Variants in NDEL1 observed in about 807,000 individuals in gnomAD.
The protein encoded by NDEL1 is nudE neurodevelopment protein 1 like 1, also known as nuclear distribution protein nudE-like 1.
NDEL1 carries 9 observed loss-of-function variants against 45.7 expected under a neutral mutation model. The ratio of observed to expected loss-of-function variants is 0.20; its 90% CI spans 0.12 to 0.34. The LOEUF is 0.34. Ranked by LOEUF, NDEL1 falls within the 10% of genes least tolerant of loss-of-function variation. The pLI, the probability that NDEL1 is intolerant of heterozygous loss-of-function variation, is 1.00. For missense variants in NDEL1, 306 were observed against 406.2 expected (o/e 0.75, Z 2.12); for synonymous variants, 133 against 158.6 (o/e 0.84, Z 1.21).
chr17:8,470,200 A>AAGAGTGCCTCTGGGT (rs1176768882), downstream of NDEL1, among the ~76,000 whole-genome samples: 3 of 152,050 alleles, frequency 2.0e-5, no homozygotes. The surrounding 1 kb of genome is among the most constrained non-coding windows in gnomAD (Gnocchi z 4.2). Flanking sequence ...TGTCTAGCTG[A>AAGAGTGCCTCTGGGT]AGAGTGCCTC....
In NDEL1 at chr17:8,460,236, T is replaced by G. The variant is rs2151736617; in HGVS notation, c.944+76T>G. The G allele has an allele frequency of 2.7e-6, 4 of 1,480,130 alleles. No individual in the cohort carries two copies. In the South Asian group the frequency reaches 5.2e-5, roughly 19 times the overall value. The allele number at this position is 1,480,130 out of a possible 1,614,324, so 91.7% of individuals were successfully genotyped here. On this transcript the variant is annotated intron_variant, in intron 8 of 8. Transcript: ENST00000334527. ...GTTAGTAAGTGAGCATAATGAAGCC[T>G]TGAAAAGGTAAACTCAGCTTGACAA...
Position 8,427,355 on chromosome 17 carries a change from C to G in NDEL1, c.-13+14086C>G, listed in dbSNP as rs565571538. 2.0e-4 allele frequency among the ~76,000 whole-genome samples: 31 copies of G among 152,204 alleles called. No individual in the cohort carries two copies. In the South Asian group the frequency reaches 6.4e-3, roughly 32 times the overall value. On this transcript the variant is annotated intron_variant, in intron 1 of 4. Coordinates refer to the NDEL1 transcript ENST00000582812. ...GTTTGTGGCTGGCTGGGTCAGGGAC[C>G]GAACCATAGTGAGCATTTTTGAATC... is the stretch of plus-strand genomic sequence containing the variant.
chr17:8,447,960 A>G (rs1910190562), intron 4 of NDEL1, among the ~76,000 whole-genome samples: 1 of 105,778 alleles, frequency 9.5e-6, no homozygotes, highest in African/African-American at 3.7e-5. Flanking sequence ...GGCAGCAGCC[A>G]GATTGGTTGC....
rs1461002073 is a variant in NDEL1, at chr17:8,423,069, A to C, written c.-13+9800A>C. ...AAGCAGACATCTAGATTTGTGTTGTATCTCATAGGGATGGATGAAAACTAG... is the reference window on the plus strand; with the variant it reads ...AAGCAGACATCTAGATTTGTGTTGTCTCTCATAGGGATGGATGAAAACTAG... On this transcript the variant is annotated intron_variant, in intron 1 of 4. Coordinates refer to the NDEL1 transcript ENST00000582812. Among the ~76,000 whole-genome samples the C allele has an allele frequency of 6.6e-5, 10 of 152,194 alleles. 1 individual carries two copies. The East Asian group carries it at 1.9e-3, about 29-fold the overall frequency.
At chr17:8,471,009 T>C (rs900063421), downstream of NDEL1, among the ~76,000 whole-genome samples, 3 of 152,200 alleles carry the variant, frequency 2.0e-5, no homozygotes, top group African/African-American at 7.2e-5. Flanking sequence ...GAGCACCCGG[T>C]AGCCAGCTCT....
At chr17:8,452,740 C>CTTTTTTTTTTT in intron 6 of NDEL1, among the ~76,000 whole-genome samples, 1 of 95,592 alleles carries the variant, frequency 1.0e-5, no homozygotes, top group Non-Finnish European at 2.0e-5. Flanking sequence ...TTTTTCTTCT[C>CTTTTTTTTTTT]TTTTTTTTTT....
At chr17:8,462,159 GA>G (rs1431725930) in intron 8 of NDEL1, among the ~76,000 whole-genome samples, 3 of 151,816 alleles carry the variant, frequency 2.0e-5, no homozygotes, top group Non-Finnish European at 4.4e-5. Flanking sequence ...TTTACTTCCT[GA>G]GCTGAACCCG....
intron 7 of NDEL1, among the ~76,000 whole-genome samples, 166 bp downstream of exon 7, chr17:8,455,053 A>G (rs1277140550): frequency 6.6e-6 from 1 of 152,254 alleles, no homozygotes; most frequent in Non-Finnish European, 1.5e-5. Context: ...ATGACACTTC[A>G]TGATGCCCCT....
In NDEL1 at chr17:8,454,400, T is replaced by C. The variant is rs1019909918; in HGVS notation, c.701-396T>C. Among the ~76,000 whole-genome samples the C allele has an allele frequency of 1.3e-4, 20 of 151,536 alleles. No homozygotes were observed. The East Asian group carries it at 1.5e-3, about 12-fold the overall frequency. On this transcript the variant is annotated intron_variant, in intron 6 of 8. Transcript: ENST00000334527. ...ATTGTCAAAAAAAAAAAAGATAATA[T>C]CTAATATTATCAAGGGCACCACCGC...
At chr17:8,415,262 T>G (rs1000188409) in intron 1 of NDEL1, among the ~76,000 whole-genome samples, 1 of 151,026 alleles carries the variant, frequency 6.6e-6, no homozygotes, top group Non-Finnish European at 1.5e-5. Context: ...TACTACAGTC[T>G]TGAATTCCCG....
In NDEL1 at chr17:8,435,975, G is replaced by T. The variant is rs1335163012; in HGVS notation, c.-83G>T. 2.2e-6 allele frequency: 1 copy of T among 447,682 alleles called. No homozygotes were observed. Among genetic ancestry groups the T allele is most frequent in the East Asian group, 7.6e-5 (1 of 13,190 alleles). 27.7% of individuals were successfully genotyped at this position (447,682 alleles called of 1,614,324 possible). A position where few individuals can be genotyped will look rare whatever the true frequency, so the allele number is the denominator to read the frequency against. ...GGGAGCTGAGCCGAGCGGCTGGGCG[G>T]GCCTGGCCGGGCCGGCGGAGGGGAG... On this transcript the variant is annotated 5_prime_UTR_variant, in exon 1 of 9. Coordinates refer to ENST00000334527, the MANE Select transcript of NDEL1 (RefSeq NM_030808.5).
At chr17:8,430,908 A>C (rs1342737148), upstream of NDEL1, among the ~76,000 whole-genome samples, 4 of 152,186 alleles carry the variant, frequency 2.6e-5, no homozygotes, top group Admixed American at 2.6e-4. Context: ...CCCATCTCCC[A>C]GGGAGAAAGC....
At chr17:8,461,873 T>C (rs927069105) in intron 8 of NDEL1, among the ~76,000 whole-genome samples, 2 of 151,986 alleles carry the variant, frequency 1.3e-5, no homozygotes, top group Non-Finnish European at 2.9e-5. Flanking sequence ...TGAGAGCAGG[T>C]GTGAATCATA....
chr17:8,416,956 T>A (rs1284516889), intron 1 of NDEL1, among the ~76,000 whole-genome samples: 2 of 152,154 alleles, frequency 1.3e-5, no homozygotes, highest in African/African-American at 4.8e-5. Context: ...TAAAAAGCGC[T>A]CTTGTTCTCA....
In NDEL1 at chr17:8,444,082, C is replaced by T. The variant is rs975156705; in HGVS notation, c.-12-178C>T. 5.8e-6 allele frequency: 3 copies of T among 514,524 alleles called. No homozygotes were observed. In the Admixed American group the frequency reaches 1.1e-4, roughly 19 times the overall value. 31.9% of individuals were successfully genotyped at this position (514,524 alleles called of 1,614,324 possible). On this transcript the variant is annotated intron_variant, in intron 1 of 8. Coordinates refer to ENST00000334527, the MANE Select transcript of NDEL1 (RefSeq NM_030808.5). ...GATCTCATTCACAATATTGGTGGTC[C>T]CTGAGAGTGGAGCAGTGGAGTGATT...
At chr17:8,432,328 A>AT (rs1189858225), upstream of NDEL1, among the ~76,000 whole-genome samples, 8 of 106,562 alleles carry the variant, frequency 7.5e-5, no homozygotes, top group South Asian at 1.6e-3. Flanking sequence ...TTTATATATA[A>AT]ATATATATAT....
rs762701865 is a variant in NDEL1, at chr17:8,435,893, C to T, written c.-165C>T. 2.7e-5 allele frequency: 12 copies of T among 447,432 alleles called. No homozygotes were observed. The highest frequency in any genetic ancestry group is 7.6e-5 in the East Asian group (1 of 13,232). 27.7% of individuals were successfully genotyped at this position (447,432 alleles called of 1,614,324 possible). On this transcript the variant is annotated 5_prime_UTR_variant, in exon 1 of 9. It adds an upstream start codon to the 5' untranslated region. Transcript: ENST00000334527. Reference sequence around the variant, plus strand: ...CCTCGGACACCCAGGCAGTCCCTGACGTGTCGGGGAGGAGCCGGGCGCGGA... The same window carrying T: ...CCTCGGACACCCAGGCAGTCCCTGATGTGTCGGGGAGGAGCCGGGCGCGGA...
Position 8,460,127 on chromosome 17 carries a change from C to G in NDEL1, c.911C>G (p.Ser304Cys), listed in dbSNP as rs1290544136. Residue 304 changes from serine to cysteine, a missense_variant, in exon 8 of 9, where the codon TCT (serine) becomes TGT (cysteine). Ser to Cys is a moderately radical substitution (Grantham distance 112). Coordinates refer to ENST00000334527, the MANE Select transcript of NDEL1 (RefSeq NM_030808.5). Reference protein sequence around the residue: ...GVLNGNGTKFSRSGHTSFFDK... With the variant: ...GVLNGNGTKFCRSGHTSFFDK... ...CTGAATGGCAATGGCACAAAGTTCTCTCGATCAGGGCATACATCTTTCTTC... is the reference window on the plus strand; with the variant it reads ...CTGAATGGCAATGGCACAAAGTTCTGTCGATCAGGGCATACATCTTTCTTC... The G allele has an allele frequency of 6.2e-7, 1 of 1,614,084 alleles. No homozygotes were observed. Among genetic ancestry groups the G allele is most frequent in the Admixed American group, 1.7e-5 (1 of 59,998 alleles).
intron 1 of NDEL1, among the ~76,000 whole-genome samples, chr17:8,413,635 A>T (rs1489452315): frequency 6.6e-6 from 1 of 152,230 alleles, no homozygotes; most frequent in Non-Finnish European, 1.5e-5. Flanking sequence ...AGAGACAGTC[A>T]GTGAGATGCA....
Sources: allele counts gnomAD v4.1 joint callset (sites outside exome capture counted in the v4.1 genomes callset), GRCh38; gene constraint gnomAD v4.1.1; non-coding constraint Gnocchi (gnomAD v3.1); transcripts MANE v1.5; gene names NCBI Gene and HGNC (gene_info 2026-07-23, HGNC 2026-07-21).